The following KIAA1217 variants were observed in gnomAD, a reference collection of about 807,000 sequenced individuals.
KIAA1217 encodes sickle tail protein homolog.
A neutral mutation model predicts 163.9 loss-of-function variants in KIAA1217; 88 were observed. The ratio of observed to expected loss-of-function variants is 0.54; its 90% CI spans 0.45 to 0.64. The LOEUF (loss-of-function observed/expected upper bound fraction) is 0.64, where lower values mean the gene tolerates loss of function less well. KIAA1217 is among the 30% of genes least tolerant of loss of function. The pLI, the probability that KIAA1217 is intolerant of heterozygous loss-of-function variation, is 0.00. For synonymous variants in KIAA1217, 903 were observed against 923.1 expected (o/e 0.98, Z 0.39); for missense variants, 2,372 against 2,475.0 (o/e 0.96, Z 0.88).
At chr10:24,189,946 A>C (rs2130458435) in intron 2 of KIAA1217, among the ~76,000 whole-genome samples, 1 of 152,046 alleles carries the variant, frequency 6.6e-6, no homozygotes, top group Admixed American at 6.6e-5. Flanking sequence ...GATTGAGCCA[A>C]GGAGTTCAAG....
At chr10:23,948,968 G>C (rs933096241) in intron 1 of KIAA1217, among the ~76,000 whole-genome samples, 1 of 152,060 alleles carries the variant, frequency 6.6e-6, no homozygotes, top group Non-Finnish European at 1.5e-5. Flanking sequence ...CTGCTAAACT[G>C]TGAGCCCTCA....
chr10:23,816,361 C>G (rs149435156), intron 1 of KIAA1217, among the ~76,000 whole-genome samples: 6 of 152,216 alleles, frequency 3.9e-5, no homozygotes, highest in Admixed American at 2.6e-4. Context: ...GGTGCTATCT[C>G]GGCTCACTGC....
At chr10:24,291,783 G>T (rs76819085) in intron 2 of KIAA1217, among the ~76,000 whole-genome samples, 2 of 152,004 alleles carry the variant, frequency 1.3e-5, no homozygotes, top group Admixed American at 1.3e-4. Flanking sequence ...AAAATCTAAG[G>T]ATTACATTTC....
chr10:23,796,404 C>T (rs1342456209), intron 1 of KIAA1217, among the ~76,000 whole-genome samples: 2 of 152,032 alleles, frequency 1.3e-5, no homozygotes, highest in Admixed American at 1.3e-4. Context: ...CACTCTGTCA[C>T]CCAGACTGGA....
At chr10:23,906,316 T>C (rs1354578027) in intron 1 of KIAA1217, among the ~76,000 whole-genome samples, 2 of 151,480 alleles carry the variant, frequency 1.3e-5, no homozygotes, top group Admixed American at 6.6e-5. Context: ...CCCAAACACA[T>C]ACTCAAGGCT....
intron 1 of KIAA1217, among the ~76,000 whole-genome samples, chr10:23,763,656 A>T (rs1812805037): frequency 1.3e-5 from 2 of 152,180 alleles, no homozygotes; most frequent in African/African-American, 4.8e-5. Context: ...CTAGAAGAAA[A>T]TCTGGACAAT....
At chr10:24,004,277 G>A (rs1184496231) in intron 1 of KIAA1217, among the ~76,000 whole-genome samples, 3 of 149,884 alleles carry the variant, frequency 2.0e-5, no homozygotes, top group Non-Finnish European at 2.9e-5. Context: ...GCACCCGGCC[G>A]AGGGCTTTTT....
At chr10:24,398,887 A>G (rs1458060031) in intron 3 of KIAA1217, among the ~76,000 whole-genome samples, 1 of 152,128 alleles carries the variant, frequency 6.6e-6, no homozygotes, top group Non-Finnish European at 1.5e-5. Flanking sequence ...GCCAGTTACC[A>G]ATTTCAAGTG....
intron 10 of KIAA1217, among the ~76,000 whole-genome samples, chr10:24,519,153 G>A (rs1024146008): frequency 6.6e-6 from 1 of 152,136 alleles, no homozygotes; most frequent in Non-Finnish European, 1.5e-5. Context: ...CACAATCCGG[G>A]CTCCAGGAGG....
At chr10:23,928,364 C>T (rs1843116685) in intron 1 of KIAA1217, among the ~76,000 whole-genome samples, 2 of 152,148 alleles carry the variant, frequency 1.3e-5, no homozygotes, top group African/African-American at 2.4e-5. Flanking sequence ...CCAGAATTTG[C>T]GGTGAATTTT....
At chr10:24,422,901 C>CTTTTTTTTTTT (rs58161228) in intron 3 of KIAA1217, among the ~76,000 whole-genome samples, 7 of 120,620 alleles carry the variant, frequency 5.8e-5, no homozygotes, top group African/African-American at 9.4e-5. Context: ...ATAGATTTAA[C>CTTTTTTTTTTT]TTTTTTTTTT....
rs932062733 is a variant in KIAA1217 at position 24,470,704 on chromosome 10, T to C, written c.847-2524T>C. Reference sequence around the variant, plus strand: ...CCAGGGGGCCCAGAAATAGCCCCTATAGGAGCCAAGAGGCCAATTCCGTGG... The same window carrying C: ...CCAGGGGGCCCAGAAATAGCCCCTACAGGAGCCAAGAGGCCAATTCCGTGG... On this transcript the variant is annotated intron_variant, in intron 5 of 20. Transcript: ENST00000376454. 3.3e-5 allele frequency among the ~76,000 whole-genome samples: 5 copies of C among 152,158 alleles called. No homozygotes were observed. The East Asian group carries it at 7.7e-4, about 23-fold the overall frequency.
chr10:23,731,241 A>G (rs1045053948), intron 1 of KIAA1217, among the ~76,000 whole-genome samples: 2 of 152,158 alleles, frequency 1.3e-5, no homozygotes, highest in Non-Finnish European at 2.9e-5. Context: ...GAGGTGGCTA[A>G]ATATACATAC....
chr10:24,331,904 A>C (rs1463149026), intron 2 of KIAA1217, among the ~76,000 whole-genome samples: 1 of 152,086 alleles, frequency 6.6e-6, no homozygotes, highest in Non-Finnish European at 1.5e-5. Context: ...GGTTCAAGCA[A>C]TTCTCCTGCC....
chr10:24,449,639 C>T, intron 5 of KIAA1217: 1 of 985,312 alleles, frequency 1.0e-6, no homozygotes. Context: ...GTAAAAAACC[C>T]AAGGCTTGCA....
chr10:24,272,743 C>T (rs1477311446), intron 2 of KIAA1217, among the ~76,000 whole-genome samples: 1 of 152,224 alleles, frequency 6.6e-6, no homozygotes, highest in African/African-American at 2.4e-5. Context: ...TCGGTTTTCA[C>T]GTGCTCTTCA....
At chr10:24,047,619 T>A (rs1849133399) in intron 2 of KIAA1217, among the ~76,000 whole-genome samples, 1 of 152,232 alleles carries the variant, frequency 6.6e-6, no homozygotes, top group African/African-American at 2.4e-5. Context: ...AAAACTCTAT[T>A]ATCAGCCCCT....
intron 1 of KIAA1217, among the ~76,000 whole-genome samples, chr10:23,757,333 A>T (rs1451326167): frequency 6.6e-6 from 1 of 152,114 alleles, no homozygotes. Context: ...TTTCACTCCC[A>T]TCAGCATTGC....
chr10:23,937,313 T>C (rs1300922310), intron 1 of KIAA1217, among the ~76,000 whole-genome samples: 1 of 151,912 alleles, frequency 6.6e-6, no homozygotes, highest in African/African-American at 2.4e-5. Context: ...GGTTGGAGAG[T>C]AGCATGGGGA....
Sources: gnomAD v4.1 joint callset for allele counts (sites outside exome capture counted in the v4.1 genomes callset) on GRCh38, gnomAD v4.1.1 for gene constraint, MANE v1.5 for transcripts, NCBI Gene and HGNC (gene_info 2026-07-23, HGNC 2026-07-21) for gene names.